The following KPNA4 variants were observed in gnomAD, a reference collection of about 807,000 sequenced individuals.
KPNA4 encodes karyopherin subunit alpha 4.
In KPNA4, 13 loss-of-function variants were observed where a neutral mutation model predicts 71.3. The ratio of observed to expected loss-of-function variants is 0.18; its 90% CI spans 0.12 to 0.29. The LOEUF is 0.29. KPNA4 is among the 10% of genes least tolerant of loss of function. The pLI, the probability that KPNA4 is intolerant of heterozygous loss-of-function variation, is 1.00. For synonymous variants in KPNA4, 189 were observed against 195.2 expected, an observed-to-expected ratio of 0.97 and a Z score of 0.26; for missense variants, 334 against 603.2, an observed-to-expected ratio of 0.55 and a Z score of 4.67.
rs1387034890 is a variant in KPNA4, at chr3:160,501,111, A to C, written c.*993T>G. The C allele has an allele frequency of 6.6e-6, 1 of 152,360 alleles. No homozygotes were observed. The highest frequency in any genetic ancestry group is 1.5e-5 in the Non-Finnish European group (1 of 67,996). 9.4% of individuals were successfully genotyped at this position (152,360 alleles called of 1,614,324 possible). A position where few individuals can be genotyped will look rare whatever the true frequency, so the allele number is the denominator to read the frequency against. ...ACACAGTCTATTTTGAGGGAAATTT[A>C]TGATTTTTTTCATGCAAAAATCTAC... On this transcript the variant is annotated 3_prime_UTR_variant, in exon 17 of 17. Transcript: ENST00000334256.
rs1331388233 is a variant in KPNA4 at position 160,495,307 on chromosome 3, A to C, written c.*6797T>G. The C allele has an allele frequency of 6.6e-6, 1 of 152,238 alleles. No homozygotes were observed. The highest frequency in any genetic ancestry group is 1.5e-5 in the Non-Finnish European group (1 of 68,040). 9.4% of individuals were successfully genotyped at this position (152,238 alleles called of 1,614,324 possible). A position where few individuals can be genotyped will look rare whatever the true frequency, so the allele number is the denominator to read the frequency against. On this transcript the variant is annotated 3_prime_UTR_variant, in exon 17 of 17. Coordinates refer to ENST00000334256, the MANE Select transcript of KPNA4 (RefSeq NM_002268.5). Reference sequence around the variant, plus strand: ...AAATATCTAGAATATTCAAGGACGTAAAGTGCGGTTGAGAAAGCCAGGATG... The same window carrying C: ...AAATATCTAGAATATTCAAGGACGTCAAGTGCGGTTGAGAAAGCCAGGATG...
At chr3:160,518,857 A>T (rs567088164) in intron 11 of KPNA4, among the ~76,000 whole-genome samples, 2 of 152,058 alleles carry the variant, frequency 1.3e-5, no homozygotes, top group African/African-American at 4.8e-5. Context: ...CAAGACTCTC[A>T]CACACACACA....
chr3:160,541,166 G>A (rs1577059013), intron 1 of KPNA4, among the ~76,000 whole-genome samples: 1 of 152,002 alleles, frequency 6.6e-6, no homozygotes, highest in African/African-American at 2.4e-5. Flanking sequence ...CTTGATTCCT[G>A]CTAATTTTCA....
intron 11 of KPNA4, among the ~76,000 whole-genome samples, chr3:160,515,900 C>A (rs1175344618): frequency 6.6e-6 from 1 of 152,068 alleles, no homozygotes; most frequent in African/African-American, 2.4e-5. Flanking sequence ...TAGGCATGAG[C>A]CATTGTGCCC....
chr3:160,545,848 TAACA>T (rs55760222), intron 1 of KPNA4, among the ~76,000 whole-genome samples: 21,706 of 152,116 alleles, frequency 0.14, 2,060 homozygotes, highest in Non-Finnish European at 0.21. Context: ...CAAAATTTGC[TAACA>T]GACTGGATAG....
intron 1 of KPNA4, among the ~76,000 whole-genome samples, chr3:160,546,538 G>A (rs1010547499): frequency 1.3e-5 from 2 of 152,076 alleles, no homozygotes; most frequent in Admixed American, 6.6e-5. Context: ...AAGAATCTGT[G>A]AGAATATGGA....
At chr3:160,521,697 C>T in intron 11 of KPNA4, 82 bp downstream of exon 11, 2 of 1,252,284 alleles carry the variant, frequency 1.6e-6, no homozygotes, top group East Asian at 2.3e-5. Flanking sequence ...CTTTAAACTA[C>T]TGAAATTGTC....
At position 160,519,801 on chromosome 3, in the gene KPNA4, C is replaced by CAA. The variant is rs558355699; in HGVS notation, c.903+1976_903+1977dup. 4.2e-3 allele frequency among the ~76,000 whole-genome samples: 351 copies of CAA among 83,258 alleles called. 10 individuals are homozygous for CAA. Among genetic ancestry groups the CAA allele is most frequent in the Middle Eastern group, 0.016 (2 of 122 alleles). The allele number at this position is 83,258 out of a possible 152,430, so 54.6% of individuals were successfully genotyped here. A position where few individuals can be genotyped will look rare whatever the true frequency, so the allele number is the denominator to read the frequency against. ...TGGGCGACAGAGCGAGACTCCGTCTCAAAAAAAAAAAAAAAAAAAAAAAAA... is the reference window on the plus strand; with the variant it reads ...TGGGCGACAGAGCGAGACTCCGTCTCAAAAAAAAAAAAAAAAAAAAAAAAAAA... On this transcript the variant is annotated intron_variant, in intron 11 of 16. Transcript: ENST00000334256.
intron 1 of KPNA4, among the ~76,000 whole-genome samples, chr3:160,556,547 G>C (rs944540572): frequency 3.9e-5 from 6 of 152,158 alleles, no homozygotes; most frequent in African/African-American, 1.4e-4. Context: ...TGAAATGCTT[G>C]GGAACACAAG....
intron 5 of KPNA4, among the ~76,000 whole-genome samples, chr3:160,532,195 G>T (rs577106627): frequency 1.3e-5 from 2 of 152,302 alleles, no homozygotes; most frequent in Non-Finnish European, 2.9e-5. Flanking sequence ...GTTACTTTTG[G>T]ACATAATTTT....
At chr3:160,532,332 G>A (rs1041915810) in intron 5 of KPNA4, among the ~76,000 whole-genome samples, 8 of 152,168 alleles carry the variant, frequency 5.3e-5, no homozygotes, top group African/African-American at 9.7e-5. Context: ...AATGACAAAA[G>A]CAGGTAGTCT....
intron 11 of KPNA4, among the ~76,000 whole-genome samples, chr3:160,521,383 G>C (rs1721345975): frequency 1.3e-5 from 2 of 152,196 alleles, no homozygotes; most frequent in Admixed American, 1.3e-4. Flanking sequence ...AGGATCATTT[G>C]AGGCCAGGAG....
chr3:160,525,182 C>A (rs1238981956), intron 10 of KPNA4, among the ~76,000 whole-genome samples: 1 of 151,986 alleles, frequency 6.6e-6, no homozygotes, highest in African/African-American at 2.4e-5. Flanking sequence ...TAAAATCTTG[C>A]CTGCACTGAT....
rs1381640535 is a variant in KPNA4 at position 160,565,297 on chromosome 3, C to G, written c.-15G>C. 3.8e-5 allele frequency: 60 copies of G among 1,585,992 alleles called. No individual in the cohort carries two copies. The highest frequency in any genetic ancestry group is 4.7e-5 in the Non-Finnish European group (55 of 1,165,966). On this transcript the variant is annotated 5_prime_UTR_variant, in exon 1 of 17. Coordinates refer to ENST00000334256, the MANE Select transcript of KPNA4 (RefSeq NM_002268.5). ...TTGTCCGCCATGGCCGGGCCGGTGACTCCTTCCCCCGCCCGGGCCCCGCGG... is the reference window on the plus strand; with the variant it reads ...TTGTCCGCCATGGCCGGGCCGGTGAGTCCTTCCCCCGCCCGGGCCCCGCGG...
At chr3:160,549,185 T>G (rs1560055086) in intron 1 of KPNA4, among the ~76,000 whole-genome samples, 1 of 152,236 alleles carries the variant, frequency 6.6e-6, no homozygotes, top group Non-Finnish European at 1.5e-5. Flanking sequence ...TTCTGGATAC[T>G]AATCCTTTAT....
At chr3:160,558,904 G>T (rs988320656) in intron 1 of KPNA4, among the ~76,000 whole-genome samples, 1 of 152,136 alleles carries the variant, frequency 6.6e-6, no homozygotes. Context: ...GCTCACTTAA[G>T]AATTCCTTGA....
chr3:160,540,201 G>A (rs986374216), intron 1 of KPNA4, among the ~76,000 whole-genome samples: 3 of 151,702 alleles, frequency 2.0e-5, no homozygotes, highest in South Asian at 2.1e-4. Context: ...GGGTTTCACC[G>A]TGTTAGCCAG....
Position 160,565,470 on chromosome 3 carries a change from AC to A in KPNA4, c.-189del. On this transcript the variant is annotated 5_prime_UTR_variant, in exon 1 of 17. Coordinates refer to ENST00000334256, the MANE Select transcript of KPNA4 (RefSeq NM_002268.5). ...TCTCCCCGCCCGCCCCCCCGCCCTAACCCCAGCGCGACTGCAGCTCCGGCAA... is the reference window on the plus strand; with the variant it reads ...TCTCCCCGCCCGCCCCCCCGCCCTAACCCAGCGCGACTGCAGCTCCGGCAA... 1.8e-6 allele frequency: 1 copy of A among 563,032 alleles called. No individual in the cohort carries two copies. The highest frequency in any genetic ancestry group is 3.1e-6 in the Non-Finnish European group (1 of 320,888). 34.9% of individuals were successfully genotyped at this position (563,032 alleles called of 1,614,324 possible).
rs562491366 is a variant in KPNA4, at chr3:160,508,071, A to G, written c.1372+36T>C. The stretch of plus-strand genomic sequence containing the variant: ...AAATAAAGGTAGTTACAAAGAGAAC[A>G]TTAAGATGTGGAATAAGAGCTTATA... On this transcript the variant is annotated intron_variant, in intron 15 of 16. Coordinates refer to ENST00000334256, the MANE Select transcript of KPNA4 (RefSeq NM_002268.5). The G allele has an allele frequency of 7.9e-6, 12 of 1,518,784 alleles. No homozygotes were observed. The East Asian group carries it at 2.1e-4, about 26-fold the overall frequency. The allele number at this position is 1,518,784 out of a possible 1,614,324, so 94.1% of individuals were successfully genotyped here.
Sources: gnomAD v4.1 joint callset for allele counts (sites outside exome capture counted in the v4.1 genomes callset) on GRCh38, gnomAD v4.1.1 for gene constraint, MANE v1.5 for transcripts, NCBI Gene and HGNC (gene_info 2026-07-23, HGNC 2026-07-21) for gene names.